The following CPPED1 variants were observed in gnomAD, a reference collection of about 807,000 sequenced individuals.
CPPED1 encodes the protein calcineurin like phosphoesterase domain containing 1, also known as serine/threonine-protein phosphatase CPPED1.
In CPPED1, 28 loss-of-function variants were observed where a neutral mutation model predicts 28.0. The ratio of observed to expected loss-of-function variants is 1.00; its 90% CI spans 0.74 to 1.37. The LOEUF is 1.37. CPPED1 is among the 40% of genes most tolerant of loss of function. The pLI is 0.00. For synonymous variants in CPPED1, 198 were observed against 180.2 expected (o/e 1.10, Z -0.79); for missense variants, 504 against 416.5 (o/e 1.21, Z -1.83).
intron 2 of CPPED1, among the ~76,000 whole-genome samples, chr16:12,739,557 GACA>G (rs1165949293): frequency 5.3e-5 from 8 of 152,040 alleles, no homozygotes; most frequent in Admixed American, 1.3e-4. Flanking sequence ...CTCCAGTCTG[GACA>G]ACAAGAGCAA....
intron 1 of CPPED1, among the ~76,000 whole-genome samples, chr16:12,797,239 A>T (rs2080632805): frequency 6.6e-6 from 1 of 152,200 alleles, no homozygotes; most frequent in African/African-American, 2.4e-5. Context: ...TACATAAATT[A>T]TACCTCAAGA....
At chr16:12,712,105 C>T (rs905531641) in intron 2 of CPPED1, among the ~76,000 whole-genome samples, 9 of 152,162 alleles carry the variant, frequency 5.9e-5, no homozygotes, top group Non-Finnish European at 1.0e-4. Flanking sequence ...CCTGACAACT[C>T]GTTTACTGTG....
chr16:12,798,868 C>G lies in CPPED1; in HGVS notation c.70+4839G>C, dbSNP rs572239989. Among the ~76,000 whole-genome samples the G allele has an allele frequency of 7.7e-4, 118 of 152,286 alleles. 2 individuals carry two copies. The highest frequency in any genetic ancestry group is 2.7e-3 in the African/African-American group (113 of 41,548). Reference sequence around the variant, plus strand: ...CAATTTGCCTAATTAAAATGAATATCTGAACATGCCTTAGGAATGTGAGCT... The same window carrying G: ...CAATTTGCCTAATTAAAATGAATATGTGAACATGCCTTAGGAATGTGAGCT... On this transcript the variant is annotated intron_variant, in intron 1 of 3. Transcript: ENST00000381774.
rs1250694893 is a variant in CPPED1, at chr16:12,663,979, T to C, written c.*907A>G. ...TCAGAGGATGTGGCTGAAGGCACCG[T>C]TTTGGCCTTTTTTGTTTCTTTTGAG... On this transcript the variant is annotated 3_prime_UTR_variant, in exon 4 of 4. Coordinates refer to ENST00000381774, the MANE Select transcript of CPPED1 (RefSeq NM_018340.3). 1 of 152,196 alleles carries C rather than the reference T, an allele frequency of 6.6e-6. No homozygotes were observed. The highest frequency in any genetic ancestry group is 2.4e-5 in the African/African-American group (1 of 41,448). The allele number at this position is 152,196 out of a possible 1,614,324, so 9.4% of individuals were successfully genotyped here. A position where few individuals can be genotyped will look rare whatever the true frequency, so the allele number is the denominator to read the frequency against.
chr16:12,748,037 A>G (rs2080302378), intron 2 of CPPED1, among the ~76,000 whole-genome samples: 1 of 152,210 alleles, frequency 6.6e-6, no homozygotes, highest in Non-Finnish European at 1.5e-5. Context: ...GGACATTCGC[A>G]CACATTTCTG....
At chr16:12,706,319 G>C (rs1403305353) in intron 2 of CPPED1, among the ~76,000 whole-genome samples, 1 of 151,510 alleles carries the variant, frequency 6.6e-6, no homozygotes, top group Non-Finnish European at 1.5e-5. Context: ...AGAGAGGGAG[G>C]GAGTCTTACA....
Position 12,663,731 on chromosome 16 carries a change from G to A in CPPED1, c.*1155C>T, listed in dbSNP as rs2079809435. ...GGAAATCATTTTAGGATTACTGAGTGCTGTTTCATAATGCTGTATATTTTT... is the reference window on the plus strand; with the variant it reads ...GGAAATCATTTTAGGATTACTGAGTACTGTTTCATAATGCTGTATATTTTT... On this transcript the variant is annotated 3_prime_UTR_variant, in exon 4 of 4. Transcript: ENST00000381774. 6 of 152,184 alleles carry A rather than the reference G, an allele frequency of 3.9e-5. No individual in the cohort carries two copies. The highest frequency in any genetic ancestry group is 3.9e-4 in the Admixed American group (6 of 15,276). 9.4% of individuals were successfully genotyped at this position (152,184 alleles called of 1,614,324 possible).
chr16:12,780,744 A>T (rs1448438196), intron 2 of CPPED1, among the ~76,000 whole-genome samples: 1 of 152,126 alleles, frequency 6.6e-6, no homozygotes, highest in African/African-American at 2.4e-5. Flanking sequence ...AAAAAAAAAA[A>T]AAAAGGGAAT....
intron 2 of CPPED1, among the ~76,000 whole-genome samples, chr16:12,715,943 G>A (rs1337175715): frequency 4.6e-5 from 7 of 152,282 alleles, no homozygotes; most frequent in Middle Eastern, 3.4e-3. Context: ...AGTGGCCCAG[G>A]GAAGCCAAAA....
At chr16:12,697,047 C>T (rs1393215383) in intron 3 of CPPED1, among the ~76,000 whole-genome samples, 1 of 151,900 alleles carries the variant, frequency 6.6e-6, no homozygotes, top group Admixed American at 6.6e-5. Context: ...TTTTTTGAGT[C>T]AGAATCTTGC....
At position 12,709,808 on chromosome 16, in the gene CPPED1, C is replaced by T. The variant is rs2141190362; in HGVS notation, c.290-4759G>A. 6.6e-6 allele frequency among the ~76,000 whole-genome samples: 1 copy of T among 152,098 alleles called. No homozygotes were observed. The highest frequency in any genetic ancestry group is 1.5e-5 in the Non-Finnish European group (1 of 68,014). Reference sequence around the variant, plus strand: ...CAGGAACAAGACAAGGAAGTCTGCTCTCACACTCTCACTGAACATCATACT... The same window carrying T: ...CAGGAACAAGACAAGGAAGTCTGCTTTCACACTCTCACTGAACATCATACT... On this transcript the variant is annotated intron_variant, in intron 2 of 3. Coordinates refer to ENST00000381774, the MANE Select transcript of CPPED1 (RefSeq NM_018340.3). The surrounding 1 kb of genome is among the most constrained non-coding windows in gnomAD (Gnocchi z 4.4).
intron 1 of CPPED1, among the ~76,000 whole-genome samples, chr16:12,795,675 C>G (rs1596488800): frequency 6.6e-6 from 1 of 152,212 alleles, no homozygotes; most frequent in African/African-American, 2.4e-5. Flanking sequence ...ACCTTGGTCT[C>G]AGCTTTGTTT....
chr16:12,687,459 G>C (rs1386384494), intron 3 of CPPED1, among the ~76,000 whole-genome samples: 1 of 152,116 alleles, frequency 6.6e-6, no homozygotes, highest in Non-Finnish European at 1.5e-5. Flanking sequence ...TTTGGCCATA[G>C]TGTCAGTGAC....
At chr16:12,697,806 T>C (rs1488792594) in intron 3 of CPPED1, among the ~76,000 whole-genome samples, 1 of 152,136 alleles carries the variant, frequency 6.6e-6, no homozygotes, top group Non-Finnish European at 1.5e-5. Context: ...GGCGAAGCAT[T>C]TCCCATACAA....
At chr16:12,742,638 G>C (rs1428024697) in intron 2 of CPPED1, among the ~76,000 whole-genome samples, 1 of 152,114 alleles carries the variant, frequency 6.6e-6, no homozygotes, top group Non-Finnish European at 1.5e-5. Flanking sequence ...AAAATCAGGG[G>C]TAGTAGATGG....
chr16:12,749,779 G>A (rs552340100), intron 2 of CPPED1, among the ~76,000 whole-genome samples: 6 of 152,248 alleles, frequency 3.9e-5, no homozygotes, highest in Admixed American at 2.0e-4. Context: ...GTAGAGACGG[G>A]GGATTTCATC....
intron 3 of CPPED1, among the ~76,000 whole-genome samples, chr16:12,696,221 G>T (rs981347330): frequency 2.6e-5 from 4 of 152,070 alleles, no homozygotes; most frequent in African/African-American, 9.7e-5. Flanking sequence ...CAGGCAGCAG[G>T]CATGTCCCCA....
intron 3 of CPPED1, among the ~76,000 whole-genome samples, chr16:12,688,154 C>T (rs1265387707): frequency 2.6e-5 from 4 of 151,538 alleles, no homozygotes; most frequent in South Asian, 2.1e-4. Context: ...CCTCAGCCTT[C>T]GGGGTAGCTG....
intron 2 of CPPED1, among the ~76,000 whole-genome samples, chr16:12,721,365 C>T (rs1228609820): frequency 2.6e-5 from 4 of 152,226 alleles, no homozygotes; most frequent in Admixed American, 6.5e-5. Context: ...ACAGACAGAA[C>T]GAGAAACAAA....
Sources: gnomAD v4.1 joint callset for allele counts (sites outside exome capture counted in the v4.1 genomes callset) on GRCh38, gnomAD v4.1.1 for gene constraint, Gnocchi (gnomAD v3.1) non-coding constraint, MANE v1.5 for transcripts, NCBI Gene and HGNC (gene_info 2026-07-23, HGNC 2026-07-21) for gene names.